METTL4: variants seen among roughly 807,000 people sequenced by gnomAD.
METTL4 encodes methyltransferase 4, N6-adenosine.
A neutral mutation model predicts 54.0 loss-of-function variants in METTL4; 40 were observed. That is an observed-to-expected ratio of 0.74 (90% CI 0.58 to 0.96). The LOEUF is 0.96. Ranked by LOEUF, METTL4 falls within the 50% of genes least tolerant of loss-of-function variation. METTL4 has a pLI of 0.00. For missense variants in METTL4, 525 were observed against 549.0 expected, an observed-to-expected ratio of 0.96 and a Z score of 0.44; for synonymous variants, 169 against 183.8, an observed-to-expected ratio of 0.92 and a Z score of 0.65.
At chr18:2,570,852 C>G (rs1461510874) in intron 1 of METTL4, among the ~76,000 whole-genome samples, 1 of 152,174 alleles carries the variant, frequency 6.6e-6, no homozygotes, top group African/African-American at 2.4e-5. Context: ...CTCCAGGTAC[C>G]GGGCAGTGCC....
chr18:2,544,195 C>G lies in METTL4; in HGVS notation c.1273G>C (p.Glu425Gln), dbSNP rs767107166. ...ACAATTCTATTTTATAAAAACATAC[C>G]AGCAAGCGGTGGCTTATGTGAGTGA... ...TLHSHKPPLA[E>Q]VLKDYIKPDG... Residue 425 changes from glutamate to glutamine, a missense_variant and splice_region_variant, in exon 8 of 9, where the codon GAG becomes CAG. Coordinates refer to ENST00000574538, the MANE Select transcript of METTL4 (RefSeq NM_022840.5). The G allele has an allele frequency of 3.1e-6, 5 of 1,594,866 alleles. No homozygotes were observed. Among genetic ancestry groups the G allele is most frequent in the Middle Eastern group, 1.7e-4 (1 of 6,008 alleles).
At chr18:2,549,114 C>T (rs1045576886) in intron 5 of METTL4, among the ~76,000 whole-genome samples, 4 of 152,156 alleles carry the variant, frequency 2.6e-5, no homozygotes, top group Non-Finnish European at 4.4e-5. Flanking sequence ...CGCCAACCTC[C>T]CTCAACTACC....
chr18:2,539,120 TG>T lies in METTL4; in HGVS notation c.1298del (p.Pro433GlnfsTer46). 1 of 1,613,956 alleles carries T rather than the reference TG, an allele frequency of 6.2e-7. No individual in the cohort carries two copies. Among genetic ancestry groups the T allele is most frequent in the Non-Finnish European group, 8.5e-7 (1 of 1,179,866 alleles). On this transcript the variant is annotated frameshift_variant, in exon 9 of 9. Coordinates refer to ENST00000574538, the MANE Select transcript of METTL4 (RefSeq NM_022840.5). LOFTEE classifies it high-confidence loss of function. ...CAAACAACTCCAAATATTCCCCATC[TG>T]GCTTGATGTAGTCTTTTAAAACCTC... is the stretch of plus-strand genomic sequence containing the variant. ...LAEVLKDYIK[P>X]DGEYLELFAR... is the part of the protein sequence containing the mutation.
rs1252303593 is a variant in METTL4 at position 2,550,979 on chromosome 18, ATG to A, written c.899+1714_899+1715del. ...GGAGATCGAGACCATCCTGGCTAAC[ATG>A]GTGAAACCCCGTCTCTACTAAAAAT... On this transcript the variant is annotated intron_variant, in intron 5 of 8. Transcript: ENST00000574538. Among the ~76,000 whole-genome samples the A allele has an allele frequency of 3.4e-3, 513 of 151,876 alleles. 3 individuals are homozygous for A. The highest frequency in any genetic ancestry group is 0.012 in the African/African-American group (487 of 41,436).
chr18:2,565,628 G>A (rs776346687), intron 2 of METTL4, among the ~76,000 whole-genome samples: 12 of 151,864 alleles, frequency 7.9e-5, no homozygotes, highest in South Asian at 2.1e-4. Context: ...ACAAACTTTC[G>A]TATTTAATAT....
intron 2 of METTL4, among the ~76,000 whole-genome samples, chr18:2,565,635 A>T (rs747700585): frequency 7.2e-5 from 11 of 152,210 alleles, no homozygotes; most frequent in Admixed American, 1.3e-4. Flanking sequence ...TTCGTATTTA[A>T]TATCTTTCTT....
chr18:2,540,253 G>A, intron 8 of METTL4: 1 of 984,538 alleles, frequency 1.0e-6, no homozygotes, highest in Non-Finnish European at 1.2e-6. Flanking sequence ...TGATCATGCT[G>A]CTGGTTAGCT....
rs759911263 is a variant in METTL4 at position 2,547,471 on chromosome 18, G to C, written c.958C>G (p.Pro320Ala). 5.0e-6 allele frequency: 8 copies of C among 1,611,358 alleles called. No individual in the cohort carries two copies. The South Asian group carries it at 7.7e-5, about 16-fold the overall frequency. ...ACCCAAGTAACAAGAAGACAGTTTGGAGCAGCCAATTTAGGGATAGGTATT... is the reference window on the plus strand; with the variant it reads ...ACCCAAGTAACAAGAAGACAGTTTGCAGCAGCCAATTTAGGGATAGGTATT... ...QQIPIPKLAA[P>A]NCLLVTWVTN... Residue 320 changes from proline to alanine, a missense_variant, in exon 6 of 9, where the codon CCA becomes GCA. Transcript: ENST00000574538.
intron 2 of METTL4, among the ~76,000 whole-genome samples, chr18:2,564,628 G>A (rs776132779): frequency 1.3e-5 from 2 of 152,142 alleles, no homozygotes; most frequent in Non-Finnish European, 2.9e-5. Flanking sequence ...TTTTATGGCT[G>A]AAACTCCAGT....
chr18:2,551,995 C>T (rs1205899727), intron 5 of METTL4, among the ~76,000 whole-genome samples: 1 of 152,078 alleles, frequency 6.6e-6, no homozygotes, highest in Non-Finnish European at 1.5e-5. Flanking sequence ...GATTTCGAGA[C>T]CAGCCTGGCC....
chr18:2,553,702 C>T (rs773622876), intron 4 of METTL4: 2 of 152,086 alleles, frequency 1.3e-5, no homozygotes, highest in Non-Finnish European at 2.9e-5. Flanking sequence ...CTTTCTCCCC[C>T]TTTTATAAAC....
intron 5 of METTL4, among the ~76,000 whole-genome samples, chr18:2,550,976 A>G (rs1174991690): frequency 6.6e-6 from 1 of 151,774 alleles, no homozygotes; most frequent in East Asian, 1.9e-4. Flanking sequence ...CATCCTGGCT[A>G]ACATGGTGAA....
Position 2,567,362 on chromosome 18 carries a change from A to C in METTL4, c.-146T>G. The C allele has an allele frequency of 1.7e-6, 1 of 578,688 alleles. No individual in the cohort carries two copies. The highest frequency in any genetic ancestry group is 2.9e-6 in the Non-Finnish European group (1 of 348,492). 35.8% of individuals were successfully genotyped at this position (578,688 alleles called of 1,614,324 possible). A position where few individuals can be genotyped will look rare whatever the true frequency, so the allele number is the denominator to read the frequency against. On this transcript the variant is annotated 5_prime_UTR_variant, in exon 2 of 9. It removes an upstream start codon present in the reference 5' UTR. Coordinates refer to ENST00000574538, the MANE Select transcript of METTL4 (RefSeq NM_022840.5). Reference sequence around the variant, plus strand: ...TGATATACAAGTACAAAAACCTGACATGCACATTGAAGAGAATTTATCATT... The same window carrying C: ...TGATATACAAGTACAAAAACCTGACCTGCACATTGAAGAGAATTTATCATT...
chr18:2,560,369 A>G (rs945156119), intron 3 of METTL4, among the ~76,000 whole-genome samples: 4 of 152,360 alleles, frequency 2.6e-5, no homozygotes, highest in African/African-American at 9.6e-5. Context: ...TCAAACTTTT[A>G]AAGAACAAAT....
At position 2,539,834 on chromosome 18, in the gene METTL4, T is replaced by A. The variant is rs1347040760; in HGVS notation, c.1274-689A>T. 6 of 873,340 alleles carry A rather than the reference T, an allele frequency of 6.9e-6. No individual in the cohort carries two copies. In the African/African-American group the frequency reaches 1.3e-4, roughly 18 times the overall value. 54.1% of individuals were successfully genotyped at this position (873,340 alleles called of 1,614,324 possible). A position where few individuals can be genotyped will look rare whatever the true frequency, so the allele number is the denominator to read the frequency against. ...ACATGAAAAAGAGCTCTAAAAAAAA[T>A]TGAAAAACAACCCATTTAAAAAAAA... On this transcript the variant is annotated intron_variant, in intron 8 of 8. Coordinates refer to ENST00000574538, the MANE Select transcript of METTL4 (RefSeq NM_022840.5).
At chr18:2,541,421 A>G (rs1474277652) in intron 8 of METTL4, among the ~76,000 whole-genome samples, 2 of 152,224 alleles carry the variant, frequency 1.3e-5, no homozygotes, top group East Asian at 3.8e-4. Flanking sequence ...AGTGGCCCAA[A>G]CATCAGTGCA....
chr18:2,554,282 GC>G (rs1453063548), intron 4 of METTL4: 1 of 162,478 alleles, frequency 6.2e-6, no homozygotes, highest in African/African-American at 2.4e-5. Flanking sequence ...TTGAACACTA[GC>G]CTAAATGGTA....
intron 1 of METTL4, among the ~76,000 whole-genome samples, chr18:2,569,475 C>A (rs1183147436): frequency 1.3e-5 from 2 of 152,116 alleles, no homozygotes; most frequent in Non-Finnish European, 2.9e-5. Flanking sequence ...CCTTCTCCCC[C>A]TACCGCTCTC....
In METTL4 at chr18:2,567,009, T is replaced by C; in HGVS notation, c.208A>G (p.Lys70Glu). The change falls in exon 2 of 9, where the codon AAG (lysine) becomes GAG (glutamate). Residue 70 changes from lysine to glutamate, a missense_variant. Lys to Glu is a moderately conservative substitution (Grantham distance 56, BLOSUM62 1). Transcript: ENST00000574538. Reference protein sequence around the residue: ...AAFIASDSSTKPENDDGGNYE... With the variant: ...AAFIASDSSTEPENDDGGNYE... ...TTTCCTCCATCATCATTCTCTGGCT[T>C]AGTGGAAGAGTCAGAAGCAATAAAT... The C allele has an allele frequency of 2.5e-6, 4 of 1,614,132 alleles. No individual in the cohort carries two copies. Among genetic ancestry groups the C allele is most frequent in the Non-Finnish European group, 3.4e-6 (4 of 1,180,008 alleles).
Sources: allele counts gnomAD v4.1 joint callset (sites outside exome capture counted in the v4.1 genomes callset), GRCh38; gene constraint gnomAD v4.1.1; transcripts MANE v1.5; gene names NCBI Gene and HGNC (gene_info 2026-07-23, HGNC 2026-07-21).